DPY19L4: variants seen among roughly 807,000 people sequenced by gnomAD.
DPY19L4 encodes probable C-mannosyltransferase DPY19L4.
In DPY19L4, 97 loss-of-function variants were observed where a neutral mutation model predicts 102.8. The ratio of observed to expected loss-of-function variants is 0.94; its 90% confidence interval spans 0.80 to 1.12. DPY19L4 has a LOEUF of 1.12. Ranked by LOEUF, DPY19L4 falls within the 50% of genes most tolerant of loss-of-function variation. The pLI is 0.00. For missense variants in DPY19L4, 815 were observed against 850.4 expected, an observed-to-expected ratio of 0.96 and a Z score of 0.52; for synonymous variants, 252 against 283.1, an observed-to-expected ratio of 0.89 and a Z score of 1.10.
chr8:94,720,081 T>C (rs1252283538), intron 1 of DPY19L4, 67 bp downstream of exon 1: 6 of 1,501,818 alleles, frequency 4.0e-6, no homozygotes, highest in African/African-American at 1.5e-5. Flanking sequence ...GCGGGGGCGC[T>C]GGAGGTCTGG....
intron 1 of DPY19L4, among the ~76,000 whole-genome samples, chr8:94,723,171 AT>A (rs911769212): frequency 4.3e-4 from 65 of 152,312 alleles, no homozygotes; most frequent in African/African-American, 1.4e-3. Flanking sequence ...TGCTAAAAAT[AT>A]CAGATAGTGA....
intron 13 of DPY19L4, among the ~76,000 whole-genome samples, chr8:94,771,174 C>G (rs1014911174): frequency 6.6e-6 from 1 of 152,018 alleles, no homozygotes; most frequent in African/African-American, 2.4e-5. Context: ...CTTGGCCTCC[C>G]AAAGTGTTGG....
chr8:94,750,305 GTTAGA>G (rs1811861335), intron 6 of DPY19L4, among the ~76,000 whole-genome samples: 1 of 119,142 alleles, frequency 8.4e-6, no homozygotes, highest in Non-Finnish European at 1.9e-5. Flanking sequence ...TAGGAAATTG[GTTAGA>G]TTATAGTAGA....
intron 6 of DPY19L4, among the ~76,000 whole-genome samples, chr8:94,751,636 C>T (rs142913540): frequency 0.011 from 1,600 of 152,008 alleles, 8 homozygotes; most frequent in Middle Eastern, 0.031. Context: ...ATTACAGGTG[C>T]GCACCACCAC....
At chr8:94,724,245 G>A (rs1384657391) in intron 1 of DPY19L4, among the ~76,000 whole-genome samples, 4 of 152,268 alleles carry the variant, frequency 2.6e-5, no homozygotes, top group Non-Finnish European at 1.5e-5. Flanking sequence ...TTTGACTTCT[G>A]AAATTATCCA....
intron 14 of DPY19L4, among the ~76,000 whole-genome samples, chr8:94,779,029 T>G (rs1281302489): frequency 6.6e-6 from 1 of 152,176 alleles, no homozygotes; most frequent in South Asian, 2.1e-4. Context: ...GAGTCAGACT[T>G]ACATTTTCTA....
At chr8:94,773,678 A>C (rs912626511) in intron 13 of DPY19L4, among the ~76,000 whole-genome samples, 4 of 151,588 alleles carry the variant, frequency 2.6e-5, no homozygotes, top group Non-Finnish European at 5.9e-5. Context: ...GATCCGCCTG[A>C]CTCAGCCTCC....
intron 17 of DPY19L4, 115 bp downstream of exon 17, chr8:94,783,917 G>A: frequency 1.7e-6 from 2 of 1,178,000 alleles, no homozygotes; most frequent in Non-Finnish European, 2.3e-6. Context: ...AATTTTAGAA[G>A]AGTTAATTAA....
Position 94,768,496 on chromosome 8 carries a change from T to C in DPY19L4, c.1277T>C (p.Ile426Thr). 2 of 1,587,268 alleles carry C rather than the reference T, an allele frequency of 1.3e-6. No homozygotes were observed. The highest frequency in any genetic ancestry group is 1.7e-6 in the Non-Finnish European group (2 of 1,160,648). ...CAGTCTTCTTTATTACCTTTCTACA[T>C]TCTAGTGTTAATTATTTGTTTTCTT... Reference protein sequence around the residue: ...LTQSSLLPFYILVLIICFLSM... With the variant: ...LTQSSLLPFYTLVLIICFLSM... Residue 426 changes from isoleucine (I) to threonine (T), a missense_variant, in exon 12 of 19, where the codon ATT becomes ACT. By Grantham distance (89) the Ile-to-Thr change is moderately conservative (BLOSUM62 -1). Coordinates refer to ENST00000414645, the MANE Select transcript of DPY19L4 (RefSeq NM_181787.3).
At chr8:94,757,772 C>T (rs1311635653) in intron 7 of DPY19L4, among the ~76,000 whole-genome samples, 1 of 152,044 alleles carries the variant, frequency 6.6e-6, no homozygotes, top group Non-Finnish European at 1.5e-5. Flanking sequence ...TTTGATTGTA[C>T]AGCTGTCAGG....
At chr8:94,785,623 G>A (rs930669251) in intron 17 of DPY19L4, among the ~76,000 whole-genome samples, 1 of 152,214 alleles carries the variant, frequency 6.6e-6, no homozygotes, top group Non-Finnish European at 1.5e-5. Flanking sequence ...AAACCTGGCA[G>A]TCGAATGATT....
intron 2 of DPY19L4, among the ~76,000 whole-genome samples, chr8:94,733,793 C>T (rs1375939522): frequency 4.6e-5 from 7 of 152,214 alleles, no homozygotes; most frequent in South Asian, 4.1e-4. Context: ...CCACCCACCT[C>T]GGCCTCCCAA....
intron 7 of DPY19L4, among the ~76,000 whole-genome samples, chr8:94,757,819 C>A (rs1161861760): frequency 6.6e-6 from 1 of 152,058 alleles, no homozygotes. Flanking sequence ...AAAAGAGTTT[C>A]ATATAGGCCG....
intron 6 of DPY19L4, among the ~76,000 whole-genome samples, chr8:94,755,138 A>T (rs1385926122): frequency 6.6e-6 from 1 of 152,186 alleles, no homozygotes; most frequent in Non-Finnish European, 1.5e-5. Flanking sequence ...CTCTAAGTAT[A>T]TCACATATAA....
In DPY19L4 at chr8:94,726,443, T is replaced by TAA. The variant is rs771539476; in HGVS notation, c.127+3_127+4dup. ...CAATTCCTGAAAGAGCTCCAAAACG[T>TAA]AAGTTAGATAGACTTGGAATTTGTG... On this transcript the variant is annotated splice_region_variant and intron_variant, in intron 2 of 18. Coordinates refer to ENST00000414645, the MANE Select transcript of DPY19L4 (RefSeq NM_181787.3). 3 of 1,599,920 alleles carry TAA rather than the reference T, an allele frequency of 1.9e-6. No individual in the cohort carries two copies. In the East Asian group the frequency reaches 6.7e-5, roughly 36 times the overall value.
rs1467142053 is a variant in DPY19L4, at chr8:94,738,437, A to G, written c.321A>G (p.Leu107=). 2 of 1,556,486 alleles carry G rather than the reference A, an allele frequency of 1.3e-6. No homozygotes were observed. The highest frequency in any genetic ancestry group is 1.7e-4 in the Middle Eastern group (1 of 5,808). ...ATTACTCCTATTATAAAGATATGTT[A>G]AAGGCACCTTCATTTGAAAGAGGTA... ...AIYYSYYKDM[L]KAPSFERGVY... The change falls in exon 4 of 19, where the codon TTA becomes TTG. Residue 107 remains leucine, a synonymous_variant. Coordinates refer to ENST00000414645, the MANE Select transcript of DPY19L4 (RefSeq NM_181787.3).
intron 1 of DPY19L4, among the ~76,000 whole-genome samples, chr8:94,724,329 G>T (rs1236756326): frequency 1.3e-5 from 2 of 152,226 alleles, no homozygotes; most frequent in Non-Finnish European, 2.9e-5. Context: ...AGTTCTTGTA[G>T]TTATATCTTC....
At chr8:94,732,756 CT>C (rs34783933) in intron 2 of DPY19L4, among the ~76,000 whole-genome samples, 10,274 of 148,966 alleles carry the variant, frequency 0.069, 376 homozygotes, top group East Asian at 0.14. Flanking sequence ...CTTTGGATTA[CT>C]TTTTAATATT....
At chr8:94,752,756 C>T (rs1271184944) in intron 6 of DPY19L4, among the ~76,000 whole-genome samples, 3 of 150,758 alleles carry the variant, frequency 2.0e-5, no homozygotes, top group Middle Eastern at 3.2e-3. Context: ...GCTCCGCCAC[C>T]CCGGTTCACG....
Sources: allele counts gnomAD v4.1 joint callset (sites outside exome capture counted in the v4.1 genomes callset), GRCh38; gene constraint gnomAD v4.1.1; transcripts MANE v1.5; gene names NCBI Gene and HGNC (gene_info 2026-07-23, HGNC 2026-07-21).